The following PREX2 variants were observed in gnomAD, a reference collection of about 807,000 sequenced individuals.
PREX2 encodes the protein phosphatidylinositol 3,4,5-trisphosphate-dependent Rac exchanger 2 protein.
A neutral mutation model predicts 203.2 loss-of-function variants in PREX2; 107 were observed. That is an observed-to-expected ratio of 0.53 (90% CI 0.45 to 0.62). The LOEUF is 0.62. PREX2 is among the 20% of genes least tolerant of loss of function. PREX2 has a pLI of 0.00. For missense variants in PREX2, 1,777 were observed against 1,955.9 expected, an observed-to-expected ratio of 0.91 and a Z score of 1.72; for synonymous variants, 672 against 663.6, an observed-to-expected ratio of 1.01 and a Z score of -0.19.
chr8:68,068,599 C>T (rs946398661), intron 11 of PREX2, among the ~76,000 whole-genome samples: 3 of 151,834 alleles, frequency 2.0e-5, no homozygotes, highest in Non-Finnish European at 4.4e-5. Flanking sequence ...TTTCCAAGAC[C>T]GAGAATCAAA....
intron 19 of PREX2, among the ~76,000 whole-genome samples, chr8:68,089,266 A>G (rs1232451415): frequency 6.6e-6 from 1 of 152,048 alleles, no homozygotes; most frequent in Non-Finnish European, 1.5e-5. Context: ...ACTGTCTTCT[A>G]CTGGGCCCGT....
intron 1 of PREX2, among the ~76,000 whole-genome samples, chr8:67,967,929 C>T (rs1443300024): frequency 2.6e-5 from 4 of 151,756 alleles, no homozygotes; most frequent in Non-Finnish European, 4.4e-5. Context: ...CTGAGCCTGT[C>T]GTGGGGTTGG....
At chr8:68,003,842 C>CTTTT (rs148890144) in intron 1 of PREX2, among the ~76,000 whole-genome samples, 1,153 of 90,540 alleles carry the variant, frequency 0.013, 37 homozygotes, top group Non-Finnish European at 0.017. Flanking sequence ...CTGGCCTGAC[C>CTTTT]TTTTTTTTTT....
Position 68,053,194 on chromosome 8 carries a change from A to G in PREX2, c.1041A>G (p.Glu347=), listed in dbSNP as rs916675000. 6.2e-7 allele frequency: 1 copy of G among 1,613,818 alleles called. No individual in the cohort carries two copies. Among genetic ancestry groups the G allele is most frequent in the South Asian group, 1.1e-5 (1 of 91,068 alleles). The part of the protein sequence containing the change: ...KWFVCMAKTP[E]EKHEWFEAIL... The stretch of plus-strand genomic sequence containing the variant: ...TTGTTTGTATGGCAAAAACACCTGA[A>G]GAGAAGCATGAATGGTTTGAAGCTA... The change falls in exon 9 of 40, where the codon GAA becomes GAG. Residue 347 remains glutamate (E), a synonymous_variant. Coordinates refer to ENST00000288368, the MANE Select transcript of PREX2 (RefSeq NM_024870.4).
chr8:68,009,840 A>G lies in PREX2; in HGVS notation c.142-8006A>G, dbSNP rs904171318. Among the ~76,000 whole-genome samples, 7 of 152,230 alleles carry G rather than the reference A, an allele frequency of 4.6e-5. No homozygotes were observed. In the East Asian group the frequency reaches 7.7e-4, roughly 17 times the overall value. Reference sequence around the variant, plus strand: ...CTGTAAAGAGTTGGTAGCACCTAGAAGAAGGCAGCTTCCAAAGGAACAGTC... The same window carrying G: ...CTGTAAAGAGTTGGTAGCACCTAGAGGAAGGCAGCTTCCAAAGGAACAGTC... On this transcript the variant is annotated intron_variant, in intron 1 of 39. Transcript: ENST00000288368.
intron 1 of PREX2, among the ~76,000 whole-genome samples, chr8:67,999,334 T>C (rs948629864): frequency 2.6e-5 from 4 of 151,748 alleles, no homozygotes; most frequent in Non-Finnish European, 5.9e-5. Flanking sequence ...AAGACTACTG[T>C]GAATGTGAAC....
chr8:68,090,076 GA>G (rs1194700692), intron 19 of PREX2, among the ~76,000 whole-genome samples: 1 of 151,930 alleles, frequency 6.6e-6, no homozygotes, highest in African/African-American at 2.4e-5. Context: ...ATTTTTCTTG[GA>G]AAAACCAGTC....
At chr8:68,015,114 T>C (rs1385721872) in intron 1 of PREX2, among the ~76,000 whole-genome samples, 1 of 152,210 alleles carries the variant, frequency 6.6e-6, no homozygotes, top group African/African-American at 2.4e-5. Context: ...GTGACTAGGC[T>C]ACTAATGCTT....
At chr8:68,031,015 G>T (rs1208846025) in intron 6 of PREX2, among the ~76,000 whole-genome samples, 1 of 152,112 alleles carries the variant, frequency 6.6e-6, no homozygotes, top group Non-Finnish European at 1.5e-5. Flanking sequence ...GGAAAGTTCA[G>T]TAGGTGTGCT....
At chr8:68,056,097 A>G (rs765356171) in intron 10 of PREX2, 123 bp downstream of exon 10, 1 of 942,428 alleles carries the variant, frequency 1.1e-6, no homozygotes, top group South Asian at 1.7e-5. Flanking sequence ...ACTTCTTTAC[A>G]GTTGCCATTT....
chr8:68,156,313 C>T (rs73263334), intron 34 of PREX2, among the ~76,000 whole-genome samples: 1 of 152,126 alleles, frequency 6.6e-6, no homozygotes. Context: ...GATCCACCAG[C>T]CTTGGCTCTC....
intron 23 of PREX2, among the ~76,000 whole-genome samples, chr8:68,100,425 G>A (rs1313088309): frequency 6.6e-6 from 1 of 152,192 alleles, no homozygotes; most frequent in East Asian, 1.9e-4. Context: ...TGCAAAGTGA[G>A]GGGAATCAAA....
At chr8:68,073,498 T>C (rs1004793679) in intron 14 of PREX2, among the ~76,000 whole-genome samples, 6 of 152,220 alleles carry the variant, frequency 3.9e-5, no homozygotes, top group African/African-American at 1.4e-4. Context: ...ATTTGGTTCA[T>C]CTGTACACAC....
At chr8:68,090,548 T>C (rs957674922) in intron 19 of PREX2, 31 bp from the exon 20 acceptor site, 1 of 1,577,476 alleles carries the variant, frequency 6.3e-7, no homozygotes. Context: ...CTGAAATTTG[T>C]TTTTGGTTAT....
chr8:68,201,295 G>A lies in PREX2; in HGVS notation c.4604+8770G>A, dbSNP rs147614910. Reference sequence around the variant, plus strand: ...TTTTTTGCATGTTAAGAGAGCAGGAGAGCAGGTAGTATGGAGGGTGTTTGT... The same window carrying A: ...TTTTTTGCATGTTAAGAGAGCAGGAAAGCAGGTAGTATGGAGGGTGTTTGT... On this transcript the variant is annotated intron_variant, in intron 37 of 39. Transcript: ENST00000288368. 9.9e-5 allele frequency among the ~76,000 whole-genome samples: 15 copies of A among 152,208 alleles called. No individual in the cohort carries two copies. The East Asian group carries it at 2.9e-3, about 29-fold the overall frequency.
intron 37 of PREX2, among the ~76,000 whole-genome samples, chr8:68,196,302 A>G (rs1327363769): frequency 6.7e-6 from 1 of 150,150 alleles, no homozygotes; most frequent in Non-Finnish European, 1.5e-5. Flanking sequence ...TACGATTAAA[A>G]GGTAGTTAAA....
rs1585767577 is a variant in PREX2, at chr8:68,080,520, A to G, written c.1720A>G (p.Met574Val). The change falls in exon 16 of 40, where the codon ATG (methionine) becomes GTG (valine). Residue 574 changes from methionine to valine, a missense_variant. Transcript: ENST00000288368. ...GGATGAGGAAATGGAGGGATCAAAT[A>G]TGAAACATCGACTTATGAAACATGA... Reference protein sequence around the residue: ...FSDEEMEGSNMKHRLMKHDLK... With the variant: ...FSDEEMEGSNVKHRLMKHDLK... 6.2e-7 allele frequency: 1 copy of G among 1,611,996 alleles called. No individual in the cohort carries two copies. The highest frequency in any genetic ancestry group is 1.7e-4 in the Middle Eastern group (1 of 6,054).
At chr8:68,008,062 G>A (rs928767565) in intron 1 of PREX2, among the ~76,000 whole-genome samples, 1 of 152,172 alleles carries the variant, frequency 6.6e-6, no homozygotes. Context: ...GCAGAGTTGG[G>A]TTTCAAATCC....
intron 1 of PREX2, among the ~76,000 whole-genome samples, chr8:67,993,867 T>C (rs993008360): frequency 4.6e-5 from 7 of 152,150 alleles, no homozygotes; most frequent in African/African-American, 1.7e-4. Flanking sequence ...AGCCAAAGGA[T>C]TGGAAGAAAT....
Sources: gnomAD v4.1 joint callset for allele counts (sites outside exome capture counted in the v4.1 genomes callset) on GRCh38, gnomAD v4.1.1 for gene constraint, MANE v1.5 for transcripts, NCBI Gene and HGNC (gene_info 2026-07-23, HGNC 2026-07-21) for gene names.